Variants in LHFPL3 observed in about 807,000 individuals in gnomAD.
LHFPL3 encodes the protein LHFPL tetraspan subfamily member 3 protein.
LHFPL3 carries 5 observed loss-of-function variants against 19.3 expected under a neutral mutation model. The observed-to-expected ratio is 0.26, with a 90% CI of 0.14 to 0.54. The LOEUF (loss-of-function observed/expected upper bound fraction) is 0.54. Among genes scored for constraint, LHFPL3 ranks in the 20% least tolerant of loss-of-function variants. The pLI is 0.94. For synonymous variants in LHFPL3, 133 were observed against 126.2 expected (o/e 1.05, Z -0.36); for missense variants, 249 against 307.4 (o/e 0.81, Z 1.42).
chr7:104,586,531 A>G (rs1790582250), intron 1 of LHFPL3, among the ~76,000 whole-genome samples: 1 of 152,170 alleles, frequency 6.6e-6, no homozygotes, highest in African/African-American at 2.4e-5. Context: ...AACTTTCAAT[A>G]AAATACATTT....
intron 1 of LHFPL3, among the ~76,000 whole-genome samples, chr7:104,437,404 G>A (rs1025390060): frequency 2.6e-5 from 4 of 152,078 alleles, no homozygotes; most frequent in Non-Finnish European, 2.9e-5. Context: ...CCCACATCTC[G>A]ATTCTCTGAT....
At chr7:104,365,063 G>C (rs970945348) in intron 1 of LHFPL3, among the ~76,000 whole-genome samples, 1 of 152,144 alleles carries the variant, frequency 6.6e-6, no homozygotes, top group East Asian at 1.9e-4. Context: ...ACTTTGGGAG[G>C]CCAAAGCAGG....
chr7:104,684,085 T>G (rs1353542001), intron 1 of LHFPL3, among the ~76,000 whole-genome samples: 1 of 152,270 alleles, frequency 6.6e-6, no homozygotes. Flanking sequence ...TTTATAACTC[T>G]GGGTTTAAGT....
In LHFPL3 at chr7:104,760,362, T is replaced by C. The variant is rs57123751; in HGVS notation, c.682+23451T>C. Among the ~76,000 whole-genome samples the C allele has an allele frequency of 4.6e-3, 695 of 152,338 alleles. 30 individuals are homozygous for C. In the East Asian group the frequency reaches 0.1, roughly 22 times the overall value. On this transcript the variant is annotated intron_variant, in intron 2 of 2. Coordinates refer to ENST00000424859, the MANE Select transcript of LHFPL3 (RefSeq NM_199000.3). The stretch of plus-strand genomic sequence containing the variant: ...TGGACTGGGATAGGTCCACTTGTTA[T>C]GAACCTTTTTATTCCTTCTTAATTA...
At chr7:104,416,221 A>T (rs1324655816) in intron 1 of LHFPL3, among the ~76,000 whole-genome samples, 1 of 152,178 alleles carries the variant, frequency 6.6e-6, no homozygotes, top group Admixed American at 6.5e-5. Flanking sequence ...GAAGCCAAGG[A>T]ATTCCAAGGA....
At chr7:104,744,487 A>G (rs1010168115) in intron 2 of LHFPL3, among the ~76,000 whole-genome samples, 35 of 152,220 alleles carry the variant, frequency 2.3e-4, no homozygotes, top group African/African-American at 8.2e-4. Context: ...AAGAAACTGC[A>G]TATATCCTGT....
chr7:104,523,442 C>G (rs1403594128), intron 1 of LHFPL3, among the ~76,000 whole-genome samples: 1 of 152,120 alleles, frequency 6.6e-6, no homozygotes, highest in African/African-American at 2.4e-5. Flanking sequence ...ACATCTGTAT[C>G]ATATGTGTTA....
intron 1 of LHFPL3, among the ~76,000 whole-genome samples, chr7:104,544,719 T>A (rs1303750303): frequency 6.6e-6 from 1 of 152,160 alleles, no homozygotes; most frequent in African/African-American, 2.4e-5. Context: ...ATGATTTTTT[T>A]AAGAAAATGG....
rs4146041 is a variant in LHFPL3 at position 104,725,275 on chromosome 7, C to G, written c.446-11400C>G. ...ACAGAAGGACTTTGAGAAAAGACGT[C>G]TTTGTTGACATAACCATTCCACACA... On this transcript the variant is annotated intron_variant, in intron 1 of 2. Transcript: ENST00000424859. Among the ~76,000 whole-genome samples the G allele has an allele frequency of 4.6e-3, 693 of 152,202 alleles. 28 individuals are homozygous for G. The East Asian group carries it at 0.1, about 22-fold the overall frequency.
chr7:104,339,526 T>C (rs1584597636), intron 1 of LHFPL3, among the ~76,000 whole-genome samples: 1 of 151,422 alleles, frequency 6.6e-6, no homozygotes, highest in East Asian at 1.9e-4. Context: ...AAGAATACCT[T>C]GGAAAAATTG....
rs1793835129 is a variant in LHFPL3, at chr7:104,736,909, A to G, written c.680A>G (p.Lys227Arg). 6.3e-7 allele frequency: 1 copy of G among 1,593,804 alleles called. No homozygotes were observed. Among genetic ancestry groups the G allele is most frequent in the Non-Finnish European group, 8.6e-7 (1 of 1,169,460 alleles). The part of the protein sequence containing the change: ...LMAEELKAEN[K>R]VLLSQYSLE Reference sequence around the variant, plus strand: ...GCAGAGGAACTGAAGGCAGAAAACAAAGGTAAGATTGCTTTAAGGAACTCT... The same window carrying G: ...GCAGAGGAACTGAAGGCAGAAAACAGAGGTAAGATTGCTTTAAGGAACTCT... Residue 227 changes from lysine (K) to arginine (R), a missense_variant and splice_region_variant, in exon 2 of 3, where the codon AAA becomes AGA. Physicochemically the swap from Lys to Arg is conservative, Grantham distance 26. Transcript: ENST00000424859.
At position 104,793,540 on chromosome 7, in the gene LHFPL3, CA is replaced by C. The variant is rs1482435148; in HGVS notation, c.682+56630del. ...TGTCAGGGTAAAAATCAATAGCAGC[CA>C]CAAAAAGGTAACACATTTTTCTAAA... is the stretch of plus-strand genomic sequence containing the variant. On this transcript the variant is annotated intron_variant, in intron 2 of 2. Coordinates refer to ENST00000424859, the MANE Select transcript of LHFPL3 (RefSeq NM_199000.3). Among the ~76,000 whole-genome samples the C allele has an allele frequency of 3.3e-5, 5 of 152,052 alleles. No homozygotes were observed. In the East Asian group the frequency reaches 9.6e-4, roughly 29 times the overall value.
At chr7:104,514,093 G>C (rs1285777209) in intron 1 of LHFPL3, among the ~76,000 whole-genome samples, 1 of 152,094 alleles carries the variant, frequency 6.6e-6, no homozygotes, top group Non-Finnish European at 1.5e-5. Flanking sequence ...CTGCCTCCCT[G>C]GCCGTTTTTC....
chr7:104,664,614 T>C (rs1353911949), intron 1 of LHFPL3, among the ~76,000 whole-genome samples: 1 of 152,210 alleles, frequency 6.6e-6, no homozygotes. Flanking sequence ...TCTGTAGTTG[T>C]AGCACAGCAT....
intron 1 of LHFPL3, among the ~76,000 whole-genome samples, chr7:104,448,821 G>A (rs1272228926): frequency 6.6e-6 from 1 of 152,030 alleles, no homozygotes; most frequent in Non-Finnish European, 1.5e-5. Flanking sequence ...TAATGTTTAG[G>A]CCCTGGAAAA....
At chr7:104,736,406 T>G (rs924182318) in intron 1 of LHFPL3, among the ~76,000 whole-genome samples, 3 of 152,150 alleles carry the variant, frequency 2.0e-5, no homozygotes, top group Admixed American at 6.6e-5. Context: ...TTCGGGATGC[T>G]TGCGTTCACT....
intron 1 of LHFPL3, among the ~76,000 whole-genome samples, chr7:104,717,791 C>A (rs564905816): frequency 6.6e-6 from 1 of 152,124 alleles, no homozygotes; most frequent in Non-Finnish European, 1.5e-5. Flanking sequence ...ATTCAGCAAT[C>A]CTACTTCTGA....
intron 1 of LHFPL3, among the ~76,000 whole-genome samples, chr7:104,478,450 T>C (rs769145631): frequency 6.6e-6 from 1 of 152,088 alleles, no homozygotes; most frequent in Non-Finnish European, 1.5e-5. Context: ...CACCGCTCCA[T>C]TCACATGGAC....
At chr7:104,523,443 A>G (rs1462914264) in intron 1 of LHFPL3, among the ~76,000 whole-genome samples, 3 of 152,200 alleles carry the variant, frequency 2.0e-5, no homozygotes, top group Non-Finnish European at 2.9e-5. Flanking sequence ...CATCTGTATC[A>G]TATGTGTTAA....
Sources: gnomAD v4.1 joint callset for allele counts (sites outside exome capture counted in the v4.1 genomes callset) on GRCh38, gnomAD v4.1.1 for gene constraint, MANE v1.5 for transcripts, NCBI Gene and HGNC (gene_info 2026-07-23, HGNC 2026-07-21) for gene names.